Variants in SLAIN1 observed in about 807,000 individuals in gnomAD.
SLAIN1 encodes the protein SLAIN family member 1.
Under a neutral mutation model 55.4 loss-of-function variants are expected in SLAIN1, and 17 were observed. The ratio of observed to expected loss-of-function variants is 0.31; its 90% CI spans 0.21 to 0.46. The LOEUF is 0.46. Among genes scored for constraint, SLAIN1 ranks in the 20% least tolerant of loss-of-function variants. The pLI is 1.00. For synonymous variants in SLAIN1, 348 were observed against 337.4 expected (o/e 1.03, Z -0.35); for missense variants, 682 against 785.1 (o/e 0.87, Z 1.57).
intron 1 of SLAIN1, among the ~76,000 whole-genome samples, chr13:77,709,969 G>A (rs1238138411): frequency 6.6e-6 from 1 of 151,952 alleles, no homozygotes; most frequent in African/African-American, 2.4e-5. Context: ...GCGGGGTTTT[G>A]CCACATTGGT....
chr13:77,715,048 A>G (rs1337217833), intron 1 of SLAIN1, among the ~76,000 whole-genome samples: 1 of 152,076 alleles, frequency 6.6e-6, no homozygotes, highest in Non-Finnish European at 1.5e-5. Flanking sequence ...TCGTATTTTT[A>G]GTAGAGACAG....
At chr13:77,723,028 G>C (rs903538809) in intron 2 of SLAIN1, among the ~76,000 whole-genome samples, 1 of 152,084 alleles carries the variant, frequency 6.6e-6, no homozygotes, top group Admixed American at 6.6e-5. Flanking sequence ...GATTACAGGC[G>C]TGAGCCACTG....
rs996952877 is a variant in SLAIN1 at position 77,724,332 on chromosome 13, C to T, written c.766+4661C>T. 1.8e-4 allele frequency among the ~76,000 whole-genome samples: 27 copies of T among 152,156 alleles called. No homozygotes were observed. In the South Asian group the frequency reaches 2.3e-3, roughly 13 times the overall value. On this transcript the variant is annotated intron_variant, in intron 2 of 6. Transcript: ENST00000418532. Reference sequence around the variant, plus strand: ...TCTGTGGTACTTCGCACCTACGATTCCAGAACCTTGCTAGGTCCTTATTAG... The same window carrying T: ...TCTGTGGTACTTCGCACCTACGATTTCAGAACCTTGCTAGGTCCTTATTAG...
chr13:77,706,264 T>G (rs2091089205), intron 1 of SLAIN1, among the ~76,000 whole-genome samples: 1 of 152,128 alleles, frequency 6.6e-6, no homozygotes, highest in South Asian at 2.1e-4. Flanking sequence ...GTTTTTATGG[T>G]TTTTCTTTTA....
chr13:77,697,818 G>A lies in SLAIN1; in HGVS notation c.-96G>A, dbSNP rs112292176. 3.4e-6 allele frequency: 4 copies of A among 1,169,422 alleles called. No homozygotes were observed. The highest frequency in any genetic ancestry group is 7.0e-4 in the Middle Eastern group (2 of 2,842). The allele number at this position is 1,169,422 out of a possible 1,614,324, so 72.4% of individuals were successfully genotyped here. ...CCGCGCGTGGTCGGCCCCCCAGGCC[G>A]GGGCGACAGGGAAGGAGCCGTAGCC... On this transcript the variant is annotated 5_prime_UTR_variant, in exon 1 of 7. Transcript: ENST00000418532.
chr13:77,699,046 C>T (rs1198187593), intron 1 of SLAIN1: 1 of 1,534,714 alleles, frequency 6.5e-7, no homozygotes, highest in African/African-American at 1.4e-5. Context: ...ATGGATCTCT[C>T]TTTATAGAGA....
chr13:77,749,846 T>A lies in SLAIN1; in HGVS notation c.1258+2991T>A, dbSNP rs1243208352. Among the ~76,000 whole-genome samples, 7 of 152,200 alleles carry A rather than the reference T, an allele frequency of 4.6e-5. No individual in the cohort carries two copies. The East Asian group carries it at 1.3e-3, about 29-fold the overall frequency. ...AATATTTACACTTGGAAGACCTTAT[T>A]TTTAAGAGCATATTTCAGGATTAAA... On this transcript the variant is annotated intron_variant, in intron 4 of 6. Transcript: ENST00000418532.
chr13:77,698,485 A>G lies in SLAIN1; in HGVS notation c.572A>G (p.Glu191Gly). The G allele has an allele frequency of 6.9e-7, 1 of 1,457,390 alleles. No homozygotes were observed. Among genetic ancestry groups the G allele is most frequent in the Non-Finnish European group, 9.0e-7 (1 of 1,110,536 alleles). The allele number at this position is 1,457,390 out of a possible 1,614,324, so 90.3% of individuals were successfully genotyped here. A position where few individuals can be genotyped will look rare whatever the true frequency, so the allele number is the denominator to read the frequency against. ...CCCCCCACGCTGCTGGACGAGGTGG[A>G]ATTGCTGGATCTGGAGAGCGTAGCC... ...SPPPTLLDEVELLDLESVAAW... is the reference protein window; with the variant it reads ...SPPPTLLDEVGLLDLESVAAW... Residue 191 changes from glutamate (E) to glycine (G), a missense_variant, in exon 1 of 7, where the codon GAA (glutamate) becomes GGA (glycine). By Grantham distance (98) the Glu-to-Gly change is moderately conservative (BLOSUM62 -2). Around this residue, in one of 3 missense-constraint regions of SLAIN1, gnomAD observed 401 missense variants for 417.3 expected, o/e 0.96. Coordinates refer to ENST00000418532, the MANE Select transcript of SLAIN1 (RefSeq NM_001242868.2). The surrounding 1 kb of genome is among the most constrained non-coding windows in gnomAD (Gnocchi z 4.1).
chr13:77,752,339 T>C (rs1172285341), intron 4 of SLAIN1, among the ~76,000 whole-genome samples: 1 of 151,652 alleles, frequency 6.6e-6, no homozygotes, highest in Non-Finnish European at 1.5e-5. Context: ...TAGGGTTGTT[T>C]TGGTAAATTT....
chr13:77,730,362 G>A (rs1470826768), intron 2 of SLAIN1, among the ~76,000 whole-genome samples: 2 of 152,152 alleles, frequency 1.3e-5, no homozygotes, highest in Non-Finnish European at 2.9e-5. Context: ...GGTGGTTTTA[G>A]AAATTCTTTG....
intron 1 of SLAIN1, chr13:77,699,088 G>C: frequency 1.3e-6 from 2 of 1,518,412 alleles, no homozygotes; most frequent in South Asian, 1.2e-5. Flanking sequence ...TTTTGCAGTC[G>C]TGTGCCCTTT....
rs148567748 is a variant in SLAIN1, at chr13:77,732,150, A to G, written c.767-12133A>G. ...ACTGGGATAAGCCATAACTCAAAGA[A>G]GAGTCTTTTAGTATCAGAGACACTG... On this transcript the variant is annotated intron_variant, in intron 2 of 6. Transcript: ENST00000418532. Among the ~76,000 whole-genome samples, 34 of 152,284 alleles carry G rather than the reference A, an allele frequency of 2.2e-4. 1 individual carries two copies. The East Asian group carries it at 6.2e-3, about 28-fold the overall frequency.
At chr13:77,705,418 T>G (rs955749557) in intron 1 of SLAIN1, among the ~76,000 whole-genome samples, 9 of 151,946 alleles carry the variant, frequency 5.9e-5, no homozygotes, top group African/African-American at 2.2e-4. Flanking sequence ...TTTGAAGAAT[T>G]CTGAAAATTT....
At chr13:77,741,807 T>C (rs1215046673) in intron 2 of SLAIN1, among the ~76,000 whole-genome samples, 2 of 151,758 alleles carry the variant, frequency 1.3e-5, no homozygotes, top group African/African-American at 4.8e-5. Flanking sequence ...GTCTGATTGC[T>C]CATTAGCATT....
chr13:77,756,009 A>G (rs541022928), intron 5 of SLAIN1, among the ~76,000 whole-genome samples: 15 of 152,292 alleles, frequency 9.8e-5, no homozygotes, highest in African/African-American at 3.6e-4. Context: ...AAAGGCTGCA[A>G]GTATAGAAGG....
chr13:77,715,283 T>G (rs1203504458), intron 1 of SLAIN1, among the ~76,000 whole-genome samples: 1 of 152,232 alleles, frequency 6.6e-6, no homozygotes, highest in Non-Finnish European at 1.5e-5. Flanking sequence ...TAGTTCATTT[T>G]TATTGTGGGA....
intron 6 of SLAIN1, among the ~76,000 whole-genome samples, chr13:77,761,474 A>G (rs1875015111): frequency 6.6e-6 from 1 of 152,162 alleles, no homozygotes; most frequent in African/African-American, 2.4e-5. Context: ...CTATCCAAAA[A>G]TTGTAGGGCG....
intron 6 of SLAIN1, 43 bp from the exon 7 acceptor site, chr13:77,763,102 A>G (rs1566253829): frequency 2.0e-6 from 3 of 1,525,394 alleles, no homozygotes; most frequent in African/African-American, 1.4e-5. Context: ...GACTCATAGG[A>G]TTATTAACAA....
At position 77,764,201 on chromosome 13, in the gene SLAIN1, G is replaced by A. The variant is rs1159769122; in HGVS notation, c.*981G>A. ...ACTGTGTACACTGCTGTTTTGGAAT[G>A]TTCAGAAATAAAGACTCTATTTCAG... On this transcript the variant is annotated 3_prime_UTR_variant, in exon 7 of 7. Coordinates refer to ENST00000418532, the MANE Select transcript of SLAIN1 (RefSeq NM_001242868.2). 6.6e-6 allele frequency: 1 copy of A among 152,586 alleles called. No homozygotes were observed. Among genetic ancestry groups the A allele is most frequent in the African/African-American group, 2.4e-5 (1 of 41,434 alleles). 9.5% of individuals were successfully genotyped at this position (152,586 alleles called of 1,614,324 possible).
Sources: allele counts gnomAD v4.1 joint callset (sites outside exome capture counted in the v4.1 genomes callset), GRCh38; gene constraint gnomAD v4.1.1; regional missense constraint gnomAD v4.1.1; non-coding constraint Gnocchi (gnomAD v3.1); transcripts MANE v1.5; gene names NCBI Gene and HGNC (gene_info 2026-07-23, HGNC 2026-07-21).